FNDC1: variants seen among roughly 807,000 people sequenced by gnomAD.
FNDC1 encodes the protein fibronectin type III domain-containing protein 1.
A neutral mutation model predicts 168.0 loss-of-function variants in FNDC1; 96 were observed. The ratio of observed to expected loss-of-function variants is 0.57; its 90% CI spans 0.48 to 0.68. The LOEUF is 0.68. Among genes scored for constraint, FNDC1 ranks in the 30% least tolerant of loss-of-function variants. The probability of loss-of-function intolerance (pLI) is 0.00; values close to 1 mark genes in which losing one functional copy is unlikely to be tolerated. For synonymous variants in FNDC1, 1,099 were observed against 1,025.9 expected (o/e 1.07, Z -1.36); for missense variants, 2,587 against 2,482.1 (o/e 1.04, Z -0.90).
intron 4 of FNDC1, among the ~76,000 whole-genome samples, chr6:159,204,276 T>C (rs986583193): frequency 6.6e-6 from 1 of 152,192 alleles, no homozygotes; most frequent in East Asian, 1.9e-4. Context: ...ACTTGCCGCA[T>C]AGTGGGTCTG....
At chr6:159,190,775 C>T (rs545898130) in intron 1 of FNDC1, among the ~76,000 whole-genome samples, 4 of 152,340 alleles carry the variant, frequency 2.6e-5, no homozygotes, top group Non-Finnish European at 4.4e-5. Context: ...AGTTCAGGAA[C>T]GGGTGCTTCA....
intron 1 of FNDC1, among the ~76,000 whole-genome samples, chr6:159,187,516 C>T (rs546548873): frequency 6.6e-6 from 1 of 152,166 alleles, no homozygotes; most frequent in Non-Finnish European, 1.5e-5. Flanking sequence ...CTATTGAACC[C>T]TATGCATATT....
chr6:159,251,533 G>T lies in FNDC1; in HGVS notation c.5065+1G>T, dbSNP rs1379395149. The stretch of plus-strand genomic sequence containing the variant: ...GCCACCCCAGGAGATGTGGTCACAG[G>T]TGTGTCCTAAGCAGAAATCAGAGTT... On this transcript the variant is annotated splice_donor_variant, in intron 17 of 22. Transcript: ENST00000297267. LOFTEE classifies it high-confidence loss of function. 2 of 1,612,060 alleles carry T rather than the reference G, an allele frequency of 1.2e-6. No individual in the cohort carries two copies. Among genetic ancestry groups the T allele is most frequent in the Admixed American group, 1.7e-5 (1 of 59,852 alleles).
chr6:159,232,895 G>A lies in FNDC1; in HGVS notation c.2383G>A (p.Glu795Lys). Residue 795 changes from glutamate to lysine, a missense_variant, in exon 11 of 23, where the codon GAA (glutamate) becomes AAA (lysine). Coordinates refer to ENST00000297267, the MANE Select transcript of FNDC1 (RefSeq NM_032532.3). This position sits in a 1 kb window ranked among gnomAD's most constrained non-coding sequence, Gnocchi z 4.9. ...TGAAAGCCACGGTGACGGCGATAGG[G>A]AAGACGGCGGAAGGCAGGCGGAGGC... ...DGESHGDGDREDGGRQAEATA... is the reference protein window; with the variant it reads ...DGESHGDGDRKDGGRQAEATA... 6.2e-7 allele frequency: 1 copy of A among 1,612,786 alleles called. No homozygotes were observed. The highest frequency in any genetic ancestry group is 8.5e-7 in the Non-Finnish European group (1 of 1,179,806).
intron 9 of FNDC1, among the ~76,000 whole-genome samples, chr6:159,228,737 G>A (rs1368148071): frequency 6.6e-6 from 1 of 152,092 alleles, no homozygotes. Flanking sequence ...AGTGCAGTGT[G>A]CAATCTCGGC....
intron 22 of FNDC1, among the ~76,000 whole-genome samples, chr6:159,269,582 T>TC (rs1163963643): frequency 5.5e-4 from 46 of 83,390 alleles, no homozygotes; most frequent in African/African-American, 2.6e-3. Context: ...ATCCTATCTG[T>TC]CTGTCTGTCT....
intron 1 of FNDC1, 55 bp from the exon 2 acceptor site, chr6:159,197,376 A>G: frequency 6.7e-7 from 1 of 1,493,124 alleles, no homozygotes; most frequent in East Asian, 2.3e-5. Flanking sequence ...GATTAAAAAA[A>G]TTCGTTTTCC....
At chr6:159,270,033 T>C (rs1777709494) in intron 22 of FNDC1, among the ~76,000 whole-genome samples, 1 of 151,980 alleles carries the variant, frequency 6.6e-6, no homozygotes, top group African/African-American at 2.4e-5. Flanking sequence ...CTACAAAAAG[T>C]AAAAAAATTA....
At chr6:159,186,546 C>T (rs553235624) in intron 1 of FNDC1, among the ~76,000 whole-genome samples, 1 of 152,354 alleles carries the variant, frequency 6.6e-6, no homozygotes, top group African/African-American at 2.4e-5. Flanking sequence ...GGGACCTTTT[C>T]ATGTAAGGCA....
At chr6:159,231,045 G>T (rs1378729048) in intron 10 of FNDC1, among the ~76,000 whole-genome samples, 1 of 152,182 alleles carries the variant, frequency 6.6e-6, no homozygotes, top group Non-Finnish European at 1.5e-5. Flanking sequence ...GTAAGGACAT[G>T]CTATGGGAAG....
At chr6:159,230,448 T>G (rs1783057186) in intron 10 of FNDC1, among the ~76,000 whole-genome samples, 1 of 152,204 alleles carries the variant, frequency 6.6e-6, no homozygotes, top group Non-Finnish European at 1.5e-5. Context: ...ATTCACTGGC[T>G]GGGAGATGGG....
chr6:159,179,056 T>G (rs1781828203), intron 1 of FNDC1, among the ~76,000 whole-genome samples: 1 of 152,224 alleles, frequency 6.6e-6, no homozygotes, highest in Non-Finnish European at 1.5e-5. Flanking sequence ...GTCTGCCATC[T>G]GCTTTGGCCT....
At chr6:159,198,997 A>T (rs1782313933) in intron 2 of FNDC1, among the ~76,000 whole-genome samples, 1 of 152,232 alleles carries the variant, frequency 6.6e-6, no homozygotes, top group African/African-American at 2.4e-5. Context: ...GCTTCTGTTC[A>T]TGGGCCTCTG....
intron 7 of FNDC1, 136 bp from the exon 8 acceptor site, chr6:159,225,399 A>C (rs910819567): frequency 2.9e-6 from 2 of 681,098 alleles, no homozygotes; most frequent in African/African-American, 3.6e-5. Context: ...CATAGTCAAA[A>C]GTTTAGATTT....
intron 4 of FNDC1, among the ~76,000 whole-genome samples, chr6:159,214,461 C>T (rs1042821174): frequency 2.0e-5 from 3 of 152,098 alleles, no homozygotes; most frequent in African/African-American, 7.2e-5. Context: ...AAATTAGGAC[C>T]CAAAATAGAA....
intron 16 of FNDC1, among the ~76,000 whole-genome samples, chr6:159,250,859 G>T (rs1162774139): frequency 1.3e-5 from 2 of 152,182 alleles, no homozygotes; most frequent in African/African-American, 4.8e-5. Flanking sequence ...GAAGCTAAAG[G>T]CTGCATATCT....
rs1180247338 is a variant in FNDC1 at position 159,233,167 on chromosome 6, T to C, written c.2655T>C (p.Leu885=). ...GAGACGAGGAGGATGAGAAGCCGCT[T>C]CCTGCCACCGTTGTCAATGACCACG... ...IHGDEEDEKP[L]PATVVNDHVP... Residue 885 remains leucine, a synonymous_variant, in exon 11 of 23, where the codon CTT becomes CTC. Transcript: ENST00000297267. This position sits in a 1 kb window ranked among gnomAD's most constrained non-coding sequence, Gnocchi z 4.6. The C allele has an allele frequency of 2.5e-6, 4 of 1,608,954 alleles. No individual in the cohort carries two copies. Among genetic ancestry groups the C allele is most frequent in the Non-Finnish European group, 3.4e-6 (4 of 1,177,952 alleles).
chr6:159,253,063 AAGCCATTCAAAGCTCCCTAG>A (rs1202296037), intron 17 of FNDC1, among the ~76,000 whole-genome samples: 1 of 152,186 alleles, frequency 6.6e-6, no homozygotes, highest in Admixed American at 6.5e-5. Context: ...TAGGCATTCC[AAGCCATTCAAAGCTCCCTAG>A]AGCCTTCATG....
intron 19 of FNDC1, among the ~76,000 whole-genome samples, chr6:159,262,562 C>T (rs1448756647): frequency 6.6e-6 from 1 of 152,100 alleles, no homozygotes; most frequent in Non-Finnish European, 1.5e-5. Flanking sequence ...CAAAGTGGAC[C>T]TTGGCAACTA....
Sources: allele counts gnomAD v4.1 joint callset (sites outside exome capture counted in the v4.1 genomes callset), GRCh38; gene constraint gnomAD v4.1.1; non-coding constraint Gnocchi (gnomAD v3.1); transcripts MANE v1.5; gene names NCBI Gene and HGNC (gene_info 2026-07-23, HGNC 2026-07-21).